Variants in GLI3 observed in about 807,000 individuals in gnomAD.
GLI3 encodes GLI family zinc finger 3.
Under a neutral mutation model 100.8 loss-of-function variants are expected in GLI3, and 20 were observed. The observed-to-expected ratio is 0.20, with a 90% confidence interval of 0.14 to 0.29. The LOEUF (loss-of-function observed/expected upper bound fraction) is 0.29. Among genes scored for constraint, GLI3 ranks in the 10% least tolerant of loss-of-function variants. The pLI, the probability that GLI3 is intolerant of heterozygous loss-of-function variation, is 1.00. For synonymous variants in GLI3, 938 were observed against 860.5 expected (o/e 1.09, Z -1.58); for missense variants, 2,040 against 2,128.5 (o/e 0.96, Z 0.82).
chr7:42,147,132 A>G (rs923245088), intron 3 of GLI3, among the ~76,000 whole-genome samples: 3 of 152,164 alleles, frequency 2.0e-5, no homozygotes, highest in Admixed American at 1.3e-4. Context: ...GGTGCGGGGT[A>G]GCGGTTGCTG....
At chr7:42,241,128 T>A (rs1419172043), upstream of GLI3, among the ~76,000 whole-genome samples, 2 of 152,208 alleles carry the variant, frequency 1.3e-5, no homozygotes, top group Non-Finnish European at 2.9e-5. Context: ...CATGTAGGCA[T>A]GCTTTAGGCA....
At chr7:42,250,771 G>C (rs1260108458) in intron 1 of GLI3, among the ~76,000 whole-genome samples, 1 of 152,152 alleles carries the variant, frequency 6.6e-6, no homozygotes, top group Non-Finnish European at 1.5e-5. Context: ...CGGGTGGGGG[G>C]GCTGCCATTT....
chr7:42,152,643 C>T (rs1477654220), intron 2 of GLI3, among the ~76,000 whole-genome samples: 2 of 152,238 alleles, frequency 1.3e-5, no homozygotes, highest in Non-Finnish European at 2.9e-5. Flanking sequence ...AAACTAATGT[C>T]ACCCTATCAC....
chr7:42,138,826 G>A (rs1002052145), intron 3 of GLI3, among the ~76,000 whole-genome samples: 4 of 152,238 alleles, frequency 2.6e-5, no homozygotes, highest in Admixed American at 1.3e-4. Flanking sequence ...GGTCCCCCCA[G>A]TGGACGACGT....
intron 2 of GLI3, among the ~76,000 whole-genome samples, chr7:42,173,212 C>T (rs1163478090): frequency 6.6e-6 from 1 of 152,186 alleles, no homozygotes; most frequent in Non-Finnish European, 1.5e-5. Flanking sequence ...GCCAAGCCAT[C>T]GTTGACAGAC....
chr7:42,005,661 C>G (rs139702829), intron 10 of GLI3, among the ~76,000 whole-genome samples: 1 of 152,076 alleles, frequency 6.6e-6, no homozygotes, highest in Non-Finnish European at 1.5e-5. Flanking sequence ...GTTCAGACAC[C>G]GACCCATTGG....
intron 10 of GLI3, among the ~76,000 whole-genome samples, chr7:42,011,735 T>C (rs1442587715): frequency 6.6e-6 from 1 of 151,832 alleles, no homozygotes; most frequent in Non-Finnish European, 1.5e-5. Flanking sequence ...AGAAGGCAGG[T>C]TGGTGGTTTT....
chr7:42,057,382 T>C (rs1333778651), intron 4 of GLI3, among the ~76,000 whole-genome samples: 2 of 152,178 alleles, frequency 1.3e-5, no homozygotes, highest in African/African-American at 4.8e-5. Flanking sequence ...GAACTCTCAA[T>C]ATGAGCGCAA....
chr7:42,252,652 A>G (rs1384301942), intron 1 of GLI3, among the ~76,000 whole-genome samples: 1 of 152,226 alleles, frequency 6.6e-6, no homozygotes, highest in East Asian at 1.9e-4. Flanking sequence ...TTTATATTAT[A>G]TAATTATTTC....
At chr7:42,234,547 G>A (rs573112361) in intron 1 of GLI3, among the ~76,000 whole-genome samples, 23 of 152,206 alleles carry the variant, frequency 1.5e-4, no homozygotes, top group African/African-American at 5.1e-4. Context: ...TTCTGTCTAT[G>A]GTCCTTTGCA....
At chr7:42,258,864 G>C (rs529824899) in intron 1 of GLI3, among the ~76,000 whole-genome samples, 2 of 152,160 alleles carry the variant, frequency 1.3e-5, no homozygotes, top group African/African-American at 4.8e-5. Flanking sequence ...ATGAATTTTG[G>C]GGGGACACAA....
chr7:42,100,695 T>C lies in GLI3; in HGVS notation c.368-23838A>G, dbSNP rs989827911. Among the ~76,000 whole-genome samples, 9 of 152,144 alleles carry C rather than the reference T, an allele frequency of 5.9e-5. No homozygotes were observed. In the East Asian group the frequency reaches 1.5e-3, roughly 26 times the overall value. On this transcript the variant is annotated intron_variant, in intron 3 of 14. Transcript: ENST00000395925. ...GGGCGAAGGTTTCAGTGAGCTGAGA[T>C]TGCACCACTGCACTCCAGTGTGGGT...
intron 3 of GLI3, among the ~76,000 whole-genome samples, chr7:42,081,726 C>G (rs1785000779): frequency 6.6e-6 from 1 of 152,090 alleles, no homozygotes; most frequent in Non-Finnish European, 1.5e-5. Flanking sequence ...GGATGCCATC[C>G]TGGGAAACTG....
At chr7:42,001,906 TG>T (rs1788305200) in intron 10 of GLI3, among the ~76,000 whole-genome samples, 1 of 152,184 alleles carries the variant, frequency 6.6e-6, no homozygotes, top group African/African-American at 2.4e-5. Flanking sequence ...TATGTGTGTT[TG>T]GGGGGCAAGG....
chr7:42,017,800 T>G (rs1788809332), intron 10 of GLI3, among the ~76,000 whole-genome samples: 1 of 152,024 alleles, frequency 6.6e-6, no homozygotes, highest in Non-Finnish European at 1.5e-5. Flanking sequence ...CACCGCATTC[T>G]CCTCCCCCAC....
At chr7:42,263,222 G>A (rs939103881) in intron 1 of GLI3, among the ~76,000 whole-genome samples, 5 of 152,114 alleles carry the variant, frequency 3.3e-5, no homozygotes, top group African/African-American at 1.2e-4. Flanking sequence ...CTCTTTCCTG[G>A]CTATGACAAG....
At chr7:42,093,592 G>C (rs1057496397) in intron 3 of GLI3, among the ~76,000 whole-genome samples, 3 of 152,098 alleles carry the variant, frequency 2.0e-5, no homozygotes, top group African/African-American at 7.2e-5. Context: ...AGCAATTTCA[G>C]TGCTTATGGC....
chr7:42,158,244 G>A (rs956002237), intron 2 of GLI3, among the ~76,000 whole-genome samples: 11 of 151,952 alleles, frequency 7.2e-5, no homozygotes, highest in African/African-American at 2.4e-4. Flanking sequence ...CTCCACATGC[G>A]TTAATCCCAC....
At chr7:42,192,890 G>C (rs1040736117) in intron 2 of GLI3, among the ~76,000 whole-genome samples, 4 of 152,090 alleles carry the variant, frequency 2.6e-5, no homozygotes, top group Non-Finnish European at 1.5e-5. Context: ...CTAATTACGT[G>C]CAAACAGGCA....
Sources: gnomAD v4.1 joint callset for allele counts (sites outside exome capture counted in the v4.1 genomes callset) on GRCh38, gnomAD v4.1.1 for gene constraint, MANE v1.5 for transcripts, NCBI Gene and HGNC (gene_info 2026-07-23, HGNC 2026-07-21) for gene names.